The following ELMO1 variants were observed in gnomAD, a reference collection of about 807,000 sequenced individuals.
ELMO1 encodes the protein engulfment and cell motility protein 1.
Under a neutral mutation model 98.9 loss-of-function variants are expected in ELMO1, and 26 were observed. That is an observed-to-expected ratio of 0.26 (90% confidence interval 0.19 to 0.36). The LOEUF (loss-of-function observed/expected upper bound fraction) is 0.36, where lower values mean the gene tolerates loss of function less well. Ranked by LOEUF, ELMO1 falls within the 10% of genes least tolerant of loss-of-function variation. The probability of loss-of-function intolerance (pLI) is 1.00; values close to 1 mark genes in which losing one functional copy is unlikely to be tolerated. For synonymous variants in ELMO1, 346 were observed against 346.0 expected (o/e 1.00, Z 0.00); for missense variants, 627 against 935.2 (o/e 0.67, Z 4.30).
chr7:37,398,415 C>T (rs1340997428), intron 1 of ELMO1, among the ~76,000 whole-genome samples: 1 of 152,098 alleles, frequency 6.6e-6, no homozygotes, highest in Non-Finnish European at 1.5e-5. Flanking sequence ...CTTTTGAAGC[C>T]CTCTTCACTG....
At chr7:36,958,872 T>C (rs757531049) in intron 16 of ELMO1, among the ~76,000 whole-genome samples, 1 of 152,066 alleles carries the variant, frequency 6.6e-6, no homozygotes, top group Non-Finnish European at 1.5e-5. Flanking sequence ...GTATCAATTA[T>C]GTGTGAACAA....
At position 37,013,449 on chromosome 7, in the gene ELMO1, A is replaced by G; in HGVS notation, c.1301-14T>C. 6.2e-7 allele frequency: 1 copy of G among 1,613,496 alleles called. No homozygotes were observed. The highest frequency in any genetic ancestry group is 8.5e-7 in the Non-Finnish European group (1 of 1,179,622). On this transcript the variant is annotated splice_polypyrimidine_tract_variant and intron_variant, in intron 15 of 21. Transcript: ENST00000310758. ...AGGTCTCACTAGCTGGAGGAAAGAGATGGAAAATAAGAGAAAAAGTTTTAA... is the reference window on the plus strand; with the variant it reads ...AGGTCTCACTAGCTGGAGGAAAGAGGTGGAAAATAAGAGAAAAAGTTTTAA...
At chr7:36,938,677 C>T (rs971887796) in intron 16 of ELMO1, among the ~76,000 whole-genome samples, 1 of 152,192 alleles carries the variant, frequency 6.6e-6, no homozygotes, top group South Asian at 2.1e-4. Context: ...CAGCTGCCAA[C>T]TCCTGATGCA....
rs79752238 is a variant in ELMO1, at chr7:36,861,923, C to G, written c.1906-187G>C. Reference sequence around the variant, plus strand: ...CGGCATGATTCCTTCTCTCCATTCACGGCGGTCTGTGAACTATCTCATTTA... The same window carrying G: ...CGGCATGATTCCTTCTCTCCATTCAGGGCGGTCTGTGAACTATCTCATTTA... On this transcript the variant is annotated intron_variant, in intron 20 of 21. Coordinates refer to ENST00000310758, the MANE Select transcript of ELMO1 (RefSeq NM_014800.11). 2,474 of 611,972 alleles carry G rather than the reference C, an allele frequency of 4.0e-3. 51 individuals are homozygous for G. In the African/African-American group the frequency reaches 0.04, roughly 10 times the overall value. The allele number at this position is 611,972 out of a possible 1,614,324, so 37.9% of individuals were successfully genotyped here. A position where few individuals can be genotyped will look rare whatever the true frequency, so the allele number is the denominator to read the frequency against.
intron 15 of ELMO1, among the ~76,000 whole-genome samples, chr7:37,031,988 A>T (rs1480627448): frequency 1.3e-5 from 2 of 152,182 alleles, no homozygotes; most frequent in Admixed American, 1.3e-4. Flanking sequence ...AGTGTGTAGG[A>T]CTGATCATCA....
intron 8 of ELMO1, among the ~76,000 whole-genome samples, chr7:37,226,280 G>A (rs1182843132): frequency 1.3e-5 from 2 of 152,092 alleles, no homozygotes; most frequent in Non-Finnish European, 2.9e-5. Flanking sequence ...AAATTTTCAG[G>A]TTCTCAAAAG....
At chr7:37,016,595 G>T (rs1793948812) in intron 15 of ELMO1, among the ~76,000 whole-genome samples, 1 of 152,222 alleles carries the variant, frequency 6.6e-6, no homozygotes, top group Non-Finnish European at 1.5e-5. Flanking sequence ...CCCAGATCAT[G>T]ACCTGCAGTC....
chr7:36,935,903 G>A (rs527259685), intron 16 of ELMO1, among the ~76,000 whole-genome samples: 3 of 152,114 alleles, frequency 2.0e-5, no homozygotes, highest in Non-Finnish European at 4.4e-5. Context: ...AGAAGTGAGC[G>A]ACTCCCTAAA....
intron 16 of ELMO1, among the ~76,000 whole-genome samples, chr7:36,904,357 C>T (rs549955643): frequency 6.6e-6 from 1 of 152,344 alleles, no homozygotes; most frequent in South Asian, 2.1e-4. Context: ...CTTGGATTTG[C>T]AGCTTCTAAT....
At chr7:37,291,996 G>A (rs910344443) in intron 4 of ELMO1, among the ~76,000 whole-genome samples, 2 of 114,832 alleles carry the variant, frequency 1.7e-5, no homozygotes, top group Admixed American at 9.7e-5. Flanking sequence ...CTCTGATGCC[G>A]AGCCGAAGCT....
chr7:37,282,564 C>T (rs950663056), intron 4 of ELMO1, among the ~76,000 whole-genome samples: 4 of 152,042 alleles, frequency 2.6e-5, no homozygotes, highest in Non-Finnish European at 5.9e-5. Flanking sequence ...GACTACGGAT[C>T]GACCGTTAAG....
chr7:37,046,929 A>G (rs1230472835), intron 15 of ELMO1, among the ~76,000 whole-genome samples: 2 of 152,226 alleles, frequency 1.3e-5, no homozygotes, highest in Admixed American at 1.3e-4. Context: ...GGAACAACTC[A>G]CTATGTGCTT....
At chr7:37,023,242 G>T (rs1334893715) in intron 15 of ELMO1, among the ~76,000 whole-genome samples, 3 of 152,150 alleles carry the variant, frequency 2.0e-5, no homozygotes, top group African/African-American at 7.2e-5. Context: ...CTTTGGATTT[G>T]AACACCTCTA....
At chr7:37,351,329 G>C (rs1801258438) in intron 1 of ELMO1, 1 of 152,204 alleles carries the variant, frequency 6.6e-6, no homozygotes, top group Non-Finnish European at 1.5e-5. Flanking sequence ...TCATAAATTT[G>C]TCAGCTGGGC....
At chr7:37,271,645 T>C in intron 5 of ELMO1, 187 bp downstream of exon 5, 1 of 600,434 alleles carries the variant, frequency 1.7e-6, no homozygotes, top group South Asian at 2.3e-5. Context: ...GAATAAGGTC[T>C]TCCTCCTCTG....
At chr7:37,212,753 C>T (rs1007684216) in intron 12 of ELMO1, among the ~76,000 whole-genome samples, 7 of 152,198 alleles carry the variant, frequency 4.6e-5, no homozygotes, top group Non-Finnish European at 7.3e-5. Flanking sequence ...TACGGCAGGG[C>T]TCCCAGCTGT....
chr7:36,942,981 A>G (rs1436977226), intron 16 of ELMO1, among the ~76,000 whole-genome samples: 2 of 152,190 alleles, frequency 1.3e-5, no homozygotes, highest in Non-Finnish European at 2.9e-5. Context: ...AAAAATCACC[A>G]TGACCAGCCA....
chr7:37,349,874 C>A (rs969984600), intron 1 of ELMO1, among the ~76,000 whole-genome samples: 1 of 152,190 alleles, frequency 6.6e-6, no homozygotes. Context: ...CCTTCTTATG[C>A]CAAACAGACT....
intron 2 of ELMO1, among the ~76,000 whole-genome samples, chr7:37,324,309 C>T (rs898659059): frequency 3.3e-5 from 5 of 152,198 alleles, no homozygotes; most frequent in Non-Finnish European, 5.9e-5. Flanking sequence ...AATGTGCCCA[C>T]ACACCTGTTT....
Sources: gnomAD v4.1 joint callset for allele counts (sites outside exome capture counted in the v4.1 genomes callset) on GRCh38, gnomAD v4.1.1 for gene constraint, MANE v1.5 for transcripts, NCBI Gene and HGNC (gene_info 2026-07-23, HGNC 2026-07-21) for gene names.